ALK: variants seen among roughly 807,000 people sequenced by gnomAD.
The protein encoded by ALK is ALK receptor tyrosine kinase.
Under a neutral mutation model 163.1 loss-of-function variants are expected in ALK, and 74 were observed. The observed-to-expected ratio is 0.45, with a 90% CI of 0.38 to 0.55. The LOEUF is 0.55. Ranked by LOEUF, ALK falls within the 20% of genes least tolerant of loss-of-function variation. The pLI is 0.00. For synonymous variants in ALK, 960 were observed against 843.2 expected (o/e 1.14, Z -2.40); for missense variants, 2,063 against 2,105.3 (o/e 0.98, Z 0.39).
chr2:29,617,430 C>T (rs1310009464), intron 3 of ALK, among the ~76,000 whole-genome samples: 2 of 152,166 alleles, frequency 1.3e-5, no homozygotes, highest in African/African-American at 2.4e-5. Context: ...AGGGGCAAAC[C>T]TTAGTTTCCT....
chr2:29,604,468 C>T (rs1433655669), intron 3 of ALK, among the ~76,000 whole-genome samples: 1 of 152,158 alleles, frequency 6.6e-6, no homozygotes, highest in Non-Finnish European at 1.5e-5. Flanking sequence ...TTTCTCCAAA[C>T]TGGCAACAAA....
At chr2:29,827,085 C>T (rs1665223896) in intron 1 of ALK, among the ~76,000 whole-genome samples, 2 of 152,178 alleles carry the variant, frequency 1.3e-5, no homozygotes, top group Admixed American at 1.3e-4. Context: ...AACCAATGAT[C>T]ATAAGACATT....
At chr2:29,235,532 A>G (rs2148185899) in intron 13 of ALK, among the ~76,000 whole-genome samples, 1 of 152,212 alleles carries the variant, frequency 6.6e-6, no homozygotes, top group African/African-American at 2.4e-5. Flanking sequence ...ATGTATGTGC[A>G]GCTATGTCCT....
chr2:29,360,598 T>G (rs1157503110), intron 5 of ALK, among the ~76,000 whole-genome samples: 2 of 152,082 alleles, frequency 1.3e-5, no homozygotes, highest in Admixed American at 1.3e-4. Context: ...AGGTGTTAGG[T>G]GATGTGAGAA....
intron 1 of ALK, among the ~76,000 whole-genome samples, chr2:29,882,610 C>G (rs748831324): frequency 6.6e-6 from 1 of 152,194 alleles, no homozygotes; most frequent in South Asian, 2.1e-4. Flanking sequence ...AGGAGAATCA[C>G]TTGAACCTGG....
chr2:29,891,864 T>C (rs944828475), intron 1 of ALK, among the ~76,000 whole-genome samples: 1 of 152,182 alleles, frequency 6.6e-6, no homozygotes, highest in African/African-American at 2.4e-5. Flanking sequence ...ACATCCAGCT[T>C]CTCTCTGTAC....
chr2:29,519,405 C>T (rs1436981251), intron 4 of ALK, among the ~76,000 whole-genome samples: 2 of 152,150 alleles, frequency 1.3e-5, no homozygotes, highest in Admixed American at 6.5e-5. Flanking sequence ...TGCCTTTAAC[C>T]CACAAACAGT....
chr2:29,895,026 T>C (rs1572478255), intron 1 of ALK, among the ~76,000 whole-genome samples: 1 of 152,202 alleles, frequency 6.6e-6, no homozygotes, highest in Non-Finnish European at 1.5e-5. Context: ...GCTCCATATG[T>C]CAAGTCATGT....
chr2:29,752,336 C>T (rs1680388936), intron 1 of ALK, among the ~76,000 whole-genome samples: 1 of 148,404 alleles, frequency 6.7e-6, no homozygotes, highest in South Asian at 2.1e-4. Flanking sequence ...GTGACTTCTG[C>T]TATTTTCTTT....
intron 1 of ALK, among the ~76,000 whole-genome samples, chr2:29,880,274 TA>T (rs1446012270): frequency 1.3e-5 from 2 of 152,176 alleles, no homozygotes; most frequent in Non-Finnish European, 2.9e-5. Context: ...GTCCTGGTCA[TA>T]TCAGAATTAG....
At chr2:29,462,560 C>T (rs3923029) in intron 4 of ALK, among the ~76,000 whole-genome samples, 24,192 of 152,102 alleles carry the variant, frequency 0.16, 2,158 homozygotes, top group East Asian at 0.35. Context: ...AGCAATAAAA[C>T]ATTTTCATAT....
rs185631154 is a variant in ALK, at chr2:29,280,223, G to A, written c.1818-4727C>T. Among the ~76,000 whole-genome samples, 487 of 150,488 alleles carry A rather than the reference G, an allele frequency of 3.2e-3. 2 individuals are homozygous for A. The highest frequency in any genetic ancestry group is 7.7e-3 in the South Asian group (36 of 4,692). On this transcript the variant is annotated intron_variant, in intron 9 of 28. Transcript: ENST00000389048. Reference sequence around the variant, plus strand: ...CTGAGGGGAGGTTATGGTATATACAGATGGACTACTCTGGGACTGAGGGAA... The same window carrying A: ...CTGAGGGGAGGTTATGGTATATACAAATGGACTACTCTGGGACTGAGGGAA...
At chr2:29,683,989 G>C (rs1388827356) in intron 3 of ALK, among the ~76,000 whole-genome samples, 1 of 152,186 alleles carries the variant, frequency 6.6e-6, no homozygotes, top group East Asian at 1.9e-4. Context: ...CGTTGAACCA[G>C]TCTTTCTCTA....
chr2:29,911,673 G>A (rs1403414335), intron 1 of ALK, among the ~76,000 whole-genome samples: 1 of 152,146 alleles, frequency 6.6e-6, no homozygotes, highest in African/African-American at 2.4e-5. Context: ...CAAAGGCTTT[G>A]AGAACAAAGC....
At chr2:29,768,327 A>T (rs540771685) in intron 1 of ALK, among the ~76,000 whole-genome samples, 1 of 152,334 alleles carries the variant, frequency 6.6e-6, no homozygotes, top group East Asian at 1.9e-4. Context: ...CTTCAGGGAG[A>T]GCTGATGGCT....
intron 3 of ALK, among the ~76,000 whole-genome samples, chr2:29,621,619 G>A (rs1306755547): frequency 6.6e-6 from 1 of 152,230 alleles, no homozygotes. Context: ...CATCATGTGG[G>A]ACCCTGGAAG....
At chr2:29,844,859 G>A (rs1023291400) in intron 1 of ALK, among the ~76,000 whole-genome samples, 1 of 148,638 alleles carries the variant, frequency 6.7e-6, no homozygotes, top group Non-Finnish European at 1.5e-5. Context: ...TAACCCCCCT[G>A]CACACACACA....
At chr2:29,314,839 G>A (rs1666786684) in intron 8 of ALK, among the ~76,000 whole-genome samples, 1 of 152,084 alleles carries the variant, frequency 6.6e-6, no homozygotes, top group African/African-American at 2.4e-5. Context: ...TGAAAGGCAG[G>A]GGGCTGGGGT....
rs574655609 is a variant in ALK at position 29,196,453 on chromosome 2, G to C, written c.4164+317C>G. Among the ~76,000 whole-genome samples, 6 of 152,294 alleles carry C rather than the reference G, an allele frequency of 3.9e-5. No individual in the cohort carries two copies. The East Asian group carries it at 1.2e-3, about 29-fold the overall frequency. On this transcript the variant is annotated intron_variant, in intron 28 of 28. Transcript: ENST00000389048. ...GAGAGCAGATGTGTTCCATACGTCT[G>C]TGAAGCTTCAATTTTGGCTACTAAA...
Sources: allele counts gnomAD v4.1 joint callset (sites outside exome capture counted in the v4.1 genomes callset), GRCh38; gene constraint gnomAD v4.1.1; transcripts MANE v1.5; gene names NCBI Gene and HGNC (gene_info 2026-07-23, HGNC 2026-07-21).